The following CDH19 variants were observed in gnomAD, a reference collection of about 807,000 sequenced individuals.
CDH19 encodes cadherin-19.
In CDH19, 67 loss-of-function variants were observed where a neutral mutation model predicts 64.2. The observed-to-expected ratio is 1.04, with a 90% CI of 0.86 to 1.28. The LOEUF (loss-of-function observed/expected upper bound fraction) is 1.28, where lower values mean the gene tolerates loss of function less well. Ranked by LOEUF, CDH19 falls within the 50% of genes most tolerant of loss-of-function variation. The probability of loss-of-function intolerance (pLI) is 0.00; values close to 1 mark genes in which losing one functional copy is unlikely to be tolerated. For missense variants in CDH19, 1,030 were observed against 929.0 expected, an observed-to-expected ratio of 1.11 and a Z score of -1.41; for synonymous variants, 346 against 319.3, an observed-to-expected ratio of 1.08 and a Z score of -0.89.
chr18:66,508,117 A>T (rs1000796447), intron 11 of CDH19, among the ~76,000 whole-genome samples: 1 of 151,926 alleles, frequency 6.6e-6, no homozygotes, highest in Non-Finnish European at 1.5e-5. Flanking sequence ...ACTAGATAAC[A>T]TTATACTAAA....
intron 9 of CDH19, among the ~76,000 whole-genome samples, chr18:66,524,569 T>TATATATATATATATATATAAAA (rs1276593665): frequency 1.5e-5 from 2 of 135,164 alleles, no homozygotes; most frequent in Non-Finnish European, 3.2e-5. Flanking sequence ...TATATATATA[T>TATATATATATATATATATAAAA]AAACATCATC....
intron 1 of CDH19, among the ~76,000 whole-genome samples, chr18:66,573,198 T>G (rs1988160235): frequency 6.6e-6 from 1 of 151,692 alleles, no homozygotes; most frequent in Non-Finnish European, 1.5e-5. Context: ...TTTGATTTAT[T>G]TTATGAAGAA....
intron 9 of CDH19, among the ~76,000 whole-genome samples, chr18:66,528,706 A>G (rs2144410655): frequency 6.6e-6 from 1 of 152,244 alleles, no homozygotes. Context: ...AGTAACAGTT[A>G]AGATGTACCT....
chr18:66,515,573 C>CT (rs1985700886), intron 9 of CDH19, among the ~76,000 whole-genome samples: 1 of 151,594 alleles, frequency 6.6e-6, no homozygotes, highest in Admixed American at 6.6e-5. Context: ...TGAGGATACT[C>CT]TAAGTTTTCT....
chr18:66,598,859 G>A (rs977839497), intron 1 of CDH19, among the ~76,000 whole-genome samples: 1 of 151,832 alleles, frequency 6.6e-6, no homozygotes, highest in Non-Finnish European at 1.5e-5. Flanking sequence ...TTTAATTGAA[G>A]CTATAATAAA....
intron 9 of CDH19, among the ~76,000 whole-genome samples, chr18:66,517,869 T>C (rs1985806774): frequency 6.6e-6 from 1 of 152,200 alleles, no homozygotes; most frequent in Non-Finnish European, 1.5e-5. Flanking sequence ...TATCTGGGTG[T>C]TTTTTATATT....
intron 1 of CDH19, among the ~76,000 whole-genome samples, chr18:66,596,850 A>C (rs1988903319): frequency 6.6e-6 from 1 of 151,734 alleles, no homozygotes; most frequent in Non-Finnish European, 1.5e-5. Flanking sequence ...TGGGAGGCCG[A>C]GGCGGGCGGA....
chr18:66,551,366 C>A, intron 4 of CDH19, 108 bp from the exon 5 acceptor site: 1 of 669,138 alleles, frequency 1.5e-6, no homozygotes, highest in South Asian at 1.8e-5. Flanking sequence ...TGTTGAACCA[C>A]TGCAATGTGA....
At chr18:66,546,668 C>G (rs1475358744) in intron 5 of CDH19, among the ~76,000 whole-genome samples, 2 of 152,006 alleles carry the variant, frequency 1.3e-5, no homozygotes, top group Non-Finnish European at 2.9e-5. Context: ...AAATAAGATA[C>G]TGGTATATAA....
chr18:66,574,911 C>T (rs1020263129), intron 1 of CDH19, among the ~76,000 whole-genome samples: 1 of 151,664 alleles, frequency 6.6e-6, no homozygotes, highest in Non-Finnish European at 1.5e-5. Context: ...GAAATTAATC[C>T]AACTGAGAAT....
Position 66,504,511 on chromosome 18 carries a change from A to G in CDH19, c.*301T>C, listed in dbSNP as rs1010644935. On this transcript the variant is annotated 3_prime_UTR_variant, in exon 12 of 12. Transcript: ENST00000262150. The stretch of plus-strand genomic sequence containing the variant: ...CCTAAGTAAATAATGATATAATCGC[A>G]TAAGGATCGACTACATCTTGTGTCC... The G allele has an allele frequency of 3.9e-6, 1 of 256,192 alleles. No homozygotes were observed. The highest frequency in any genetic ancestry group is 2.2e-5 in the African/African-American group (1 of 45,330). 15.9% of individuals were successfully genotyped at this position (256,192 alleles called of 1,614,324 possible). A position where few individuals can be genotyped will look rare whatever the true frequency, so the allele number is the denominator to read the frequency against.
chr18:66,597,956 G>A (rs955262743), intron 1 of CDH19, among the ~76,000 whole-genome samples: 2 of 152,064 alleles, frequency 1.3e-5, no homozygotes, highest in Non-Finnish European at 2.9e-5. Flanking sequence ...ACGAGTTAAT[G>A]GGTGCAGCAC....
intron 11 of CDH19, 57 bp from the exon 12 acceptor site, chr18:66,505,359 A>G: frequency 7.5e-7 from 1 of 1,329,974 alleles, no homozygotes; most frequent in East Asian, 2.3e-5. Context: ...TATAAACATT[A>G]CAGTCTTTGC....
intron 7 of CDH19, 23 bp from the exon 8 acceptor site, chr18:66,535,130 C>T (rs1423116351): frequency 7.2e-7 from 1 of 1,383,010 alleles, no homozygotes; most frequent in Non-Finnish European, 9.8e-7. Flanking sequence ...GAAAGTATAC[C>T]TTAATATTTT....
At chr18:66,515,479 G>C (rs925978327) in intron 9 of CDH19, among the ~76,000 whole-genome samples, 10 of 151,724 alleles carry the variant, frequency 6.6e-5, no homozygotes, top group Non-Finnish European at 1.5e-5. Flanking sequence ...TAGTATGCTT[G>C]TTGTCTTTCT....
Position 66,509,184 on chromosome 18 carries a change from A to G in CDH19, c.1639T>C (p.Tyr547His), listed in dbSNP as rs768475225. The G allele has an allele frequency of 1.2e-6, 2 of 1,612,674 alleles. No individual in the cohort carries two copies. Among genetic ancestry groups the G allele is most frequent in the Non-Finnish European group, 1.7e-6 (2 of 1,179,054 alleles). The change falls in exon 11 of 12, where the codon TAC (tyrosine) becomes CAC (histidine). Residue 547 changes from tyrosine to histidine, a missense_variant. Physicochemically the swap from Tyr to His is moderately conservative, Grantham distance 83. Transcript: ENST00000262150. ...GFNLQEEPVF[Y>H]ISILIADNGI... ...TTGTCGGCAATTAAGATGGAGATGT[A>G]GAAGACAGGTTCTTCTTGAAGGTTA...
intron 9 of CDH19, among the ~76,000 whole-genome samples, chr18:66,515,714 G>C (rs1331754452): frequency 6.6e-6 from 1 of 151,488 alleles, no homozygotes; most frequent in Non-Finnish European, 1.5e-5. Context: ...ATCTCAATAC[G>C]TATTTTCTAA....
At chr18:66,555,937 T>G (rs1987502607) in intron 3 of CDH19, among the ~76,000 whole-genome samples, 1 of 151,734 alleles carries the variant, frequency 6.6e-6, no homozygotes, top group Non-Finnish European at 1.5e-5. Context: ...TCAGATACAA[T>G]CATCAAAATC....
At chr18:66,506,821 G>T (rs1985223871) in intron 11 of CDH19, among the ~76,000 whole-genome samples, 1 of 151,750 alleles carries the variant, frequency 6.6e-6, no homozygotes, top group African/African-American at 2.4e-5. Context: ...AGAGAAATAT[G>T]TTGGTTATAT....
Sources: allele counts gnomAD v4.1 joint callset (sites outside exome capture counted in the v4.1 genomes callset), GRCh38; gene constraint gnomAD v4.1.1; transcripts MANE v1.5; gene names NCBI Gene and HGNC (gene_info 2026-07-23, HGNC 2026-07-21).